The following ERAP1 variants were observed in gnomAD, a reference collection of about 807,000 sequenced individuals.
ERAP1 encodes adipocyte-derived leucine aminopeptidase.
ERAP1 carries 86 observed loss-of-function variants against 103.7 expected under a neutral mutation model. That is an observed-to-expected ratio of 0.83 (90% CI 0.70 to 0.99). The LOEUF (loss-of-function observed/expected upper bound fraction) is 0.99, where lower values mean the gene tolerates loss of function less well. ERAP1 is among the 50% of genes least tolerant of loss of function. The probability of loss-of-function intolerance (pLI) is 0.00; values close to 1 mark genes in which losing one functional copy is unlikely to be tolerated. For missense variants in ERAP1, 1,009 were observed against 1,128.4 expected, an observed-to-expected ratio of 0.89 and a Z score of 1.52; for synonymous variants, 398 against 402.4, an observed-to-expected ratio of 0.99 and a Z score of 0.13.
At position 96,782,123 on chromosome 5, in the gene ERAP1, A is replaced by G. The variant is rs181935158; in HGVS notation, c.2286-269T>C. On this transcript the variant is annotated intron_variant, in intron 15 of 18. Transcript: ENST00000443439. ...CCTCCCGGGTTCACGCCATTCTCCT[A>G]CCTCAGCCTCCCGAGTAGCTGGGAC... Among the ~76,000 whole-genome samples, 22 of 149,368 alleles carry G rather than the reference A, an allele frequency of 1.5e-4. No homozygotes were observed. The East Asian group carries it at 2.2e-3, about 15-fold the overall frequency.
intron 19 of ERAP1, chr5:96,769,305 T>TTTA (rs1426695478): frequency 6.6e-6 from 1 of 152,200 alleles, no homozygotes; most frequent in Non-Finnish European, 1.5e-5. Flanking sequence ...GTGAATGGAC[T>TTTA]TTATTTTTAT....
At chr5:96,823,290 A>G in the ERAP1 span, among the ~76,000 whole-genome samples, 1 of 152,234 alleles carries the variant, frequency 6.6e-6, no homozygotes, top group East Asian at 1.9e-4. Context: ...CATGAAGACA[A>G]CACCAGGAGG....
In ERAP1 at chr5:96,783,804, T is replaced by C. The variant is rs888492722; in HGVS notation, c.2100+120A>G. ...CTAATATTTATTTGCTTTTCCTTAATATGTATATAAAGATACACACACACA... is the reference window on the plus strand; with the variant it reads ...CTAATATTTATTTGCTTTTCCTTAACATGTATATAAAGATACACACACACA... On this transcript the variant is annotated intron_variant, in intron 14 of 18. Transcript: ENST00000443439. The C allele has an allele frequency of 3.9e-6, 4 of 1,027,348 alleles. No homozygotes were observed. In the African/African-American group the frequency reaches 6.6e-5, roughly 17 times the overall value. The allele number at this position is 1,027,348 out of a possible 1,614,324, so 63.6% of individuals were successfully genotyped here. A position where few individuals can be genotyped will look rare whatever the true frequency, so the allele number is the denominator to read the frequency against.
chr5:96,927,372 T>C, the ERAP1 span, among the ~76,000 whole-genome samples: 1 of 152,254 alleles, frequency 6.6e-6, no homozygotes, highest in Admixed American at 6.5e-5. Context: ...TGGTGGCTTA[T>C]TTTGGATTTG....
At chr5:96,818,892 G>GCATTTATGTATTTATT in the ERAP1 span, among the ~76,000 whole-genome samples, 1 of 129,916 alleles carries the variant, frequency 7.7e-6, no homozygotes, top group Non-Finnish European at 1.7e-5. Context: ...AACCTGAACT[G>GCATTTATGTATTTATT]CATTTATTTA....
chr5:96,851,285 G>A, the ERAP1 span, among the ~76,000 whole-genome samples: 40,433 of 152,116 alleles, frequency 0.27, 6,686 homozygotes, highest in Non-Finnish European at 0.38. Flanking sequence ...AGTTTGAGAA[G>A]TAGGTGAACT....
chr5:96,817,978 C>A, the ERAP1 span, among the ~76,000 whole-genome samples: 1 of 152,098 alleles, frequency 6.6e-6, no homozygotes, highest in Non-Finnish European at 1.5e-5. Context: ...GCTGAGTGAG[C>A]CAGTCCCAAT....
At chr5:96,767,095 TA>T (rs1202797087) in intron 19 of ERAP1, among the ~76,000 whole-genome samples, 1 of 152,228 alleles carries the variant, frequency 6.6e-6, no homozygotes, top group Admixed American at 6.5e-5. Flanking sequence ...TGTAATAAGC[TA>T]TAGTAAATAA....
Position 96,783,220 on chromosome 5 carries a change from G to T in ERAP1, c.2116C>A (p.Leu706Met). ...TGCTTATCAATGAGGTCCCTTAGCAGCCTGATGAGGAAGGCCTGAGGGCGT... is the reference window on the plus strand; with the variant it reads ...TGCTTATCAATGAGGTCCCTTAGCATCCTGATGAGGAAGGCCTGAGGGCGT... Reference protein sequence around the residue: ...ETQFKAFLIRLLRDLIDKQTW... With the variant: ...ETQFKAFLIRMLRDLIDKQTW... Residue 706 changes from leucine to methionine, a missense_variant, in exon 15 of 19, where the codon CTG becomes ATG. Leu to Met is a conservative substitution (Grantham distance 15). Transcript: ENST00000443439. The T allele has an allele frequency of 6.2e-7, 1 of 1,611,732 alleles. No homozygotes were observed. Among genetic ancestry groups the T allele is most frequent in the African/African-American group, 1.3e-5 (1 of 75,034 alleles).
intron 19 of ERAP1, chr5:96,767,410 T>C (rs1770385491): frequency 2.5e-6 from 4 of 1,596,296 alleles, no homozygotes; most frequent in Admixed American, 1.7e-5. Flanking sequence ...ATATCTATGC[T>C]TAACCAATAG....
rs1037497660 is a variant in ERAP1 at position 96,775,430 on chromosome 5, A to G, written c.*966T>C. ...GTAAAGTAGGCCAAATAAGAAGCAGAGAGAGAAAAAAAATCACCTCCCTAA... is the reference window on the plus strand; with the variant it reads ...GTAAAGTAGGCCAAATAAGAAGCAGGGAGAGAAAAAAAATCACCTCCCTAA... On this transcript the variant is annotated 3_prime_UTR_variant, in exon 19 of 19. Transcript: ENST00000443439. 1 of 985,470 alleles carries G rather than the reference A, an allele frequency of 1.0e-6. No individual in the cohort carries two copies. Among genetic ancestry groups the G allele is most frequent in the African/African-American group, 1.7e-5 (1 of 57,250 alleles). The allele number at this position is 985,470 out of a possible 1,614,324, so 61.0% of individuals were successfully genotyped here.
chr5:96,766,019 G>T, intron 19 of ERAP1: 1 of 1,164,312 alleles, frequency 8.6e-7, no homozygotes, highest in South Asian at 1.3e-5. Context: ...AAGAGGAAAT[G>T]AATATTAATT....
At chr5:96,828,854 T>A in the ERAP1 span, among the ~76,000 whole-genome samples, 10 of 152,162 alleles carry the variant, frequency 6.6e-5, no homozygotes, top group Non-Finnish European at 1.2e-4. Context: ...ACTTTTTTTT[T>A]ATTATTTTTT....
the ERAP1 span, chr5:96,918,397 C>T: frequency 6.6e-6 from 1 of 152,074 alleles, no homozygotes; most frequent in Non-Finnish European, 1.5e-5. Flanking sequence ...GATCAGGAAA[C>T]CAGAGACTTT....
the ERAP1 span, among the ~76,000 whole-genome samples, chr5:96,888,891 C>T: frequency 6.6e-6 from 1 of 152,050 alleles, no homozygotes; most frequent in African/African-American, 2.4e-5. Flanking sequence ...CAAGTGGGTT[C>T]CTCTCTATGA....
chr5:96,768,299 G>T, intron 19 of ERAP1: 2 of 410,368 alleles, frequency 4.9e-6, no homozygotes, highest in South Asian at 2.0e-5. Context: ...TGCCAGGCTG[G>T]TCTCGAGCTC....
the ERAP1 span, among the ~76,000 whole-genome samples, chr5:96,890,787 G>T: frequency 6.6e-6 from 1 of 152,020 alleles, no homozygotes; most frequent in East Asian, 1.9e-4. Context: ...TATTGTGCAG[G>T]TTCTATATAC....
the ERAP1 span, among the ~76,000 whole-genome samples, chr5:96,899,762 A>G: frequency 1.1e-4 from 17 of 152,198 alleles, no homozygotes; most frequent in African/African-American, 3.9e-4. Context: ...TACATGCTAA[A>G]TAGGGGCATA....
the ERAP1 span, among the ~76,000 whole-genome samples, chr5:96,929,562 G>A: frequency 1.3e-5 from 2 of 151,796 alleles, no homozygotes; most frequent in African/African-American, 2.4e-5. Context: ...CGGGAGTGTA[G>A]TGGCATGATC....
Sources: gnomAD v4.1 joint callset for allele counts (sites outside exome capture counted in the v4.1 genomes callset) on GRCh38, gnomAD v4.1.1 for gene constraint, MANE v1.5 for transcripts, NCBI Gene and HGNC (gene_info 2026-07-23, HGNC 2026-07-21) for gene names.